Variants in RAB8B observed in about 807,000 individuals in gnomAD.
RAB8B encodes ras-related protein Rab-8B.
A neutral mutation model predicts 32.0 loss-of-function variants in RAB8B; 11 were observed. That is an observed-to-expected ratio of 0.34 (90% CI 0.22 to 0.57). RAB8B has a LOEUF of 0.57. RAB8B is among the 20% of genes least tolerant of loss of function. The pLI is 0.86. For missense variants in RAB8B, 190 were observed against 258.5 expected (o/e 0.73, Z 1.82); for synonymous variants, 103 against 89.6 (o/e 1.15, Z -0.85).
chr15:63,234,926 A>G (rs1332212584), intron 1 of RAB8B, among the ~76,000 whole-genome samples: 1 of 152,130 alleles, frequency 6.6e-6, no homozygotes, highest in African/African-American at 2.4e-5. Flanking sequence ...GTCCAAGTCA[A>G]AACTCCTTTT....
intron 7 of RAB8B, 91 bp from the exon 8 acceptor site, chr15:63,263,436 A>G (rs1194232532): frequency 7.8e-6 from 7 of 896,944 alleles, no homozygotes; most frequent in Admixed American, 2.1e-5. Flanking sequence ...CACATTTCAC[A>G]TGGTATGGTT....
At chr15:63,192,463 C>G (rs1252978905) in intron 1 of RAB8B, among the ~76,000 whole-genome samples, 1 of 152,162 alleles carries the variant, frequency 6.6e-6, no homozygotes, top group African/African-American at 2.4e-5. Context: ...TGTGTAAGTT[C>G]CTGTGCTTTT....
chr15:63,189,925 A>AGGGGC, intron 1 of RAB8B, among the ~76,000 whole-genome samples, 177 bp downstream of exon 1: 2 of 138,168 alleles, frequency 1.4e-5, no homozygotes, highest in Non-Finnish European at 3.1e-5. Context: ...CGTGAGGGAG[A>AGGGGC]GAGGCGAGCG....
At chr15:63,244,556 C>T (rs1176244582) in intron 1 of RAB8B, among the ~76,000 whole-genome samples, 200 bp from the exon 2 acceptor site, 4 of 152,180 alleles carry the variant, frequency 2.6e-5, no homozygotes, top group African/African-American at 7.2e-5. Context: ...GCATTTAACA[C>T]GTGTGGGAAT....
At position 63,266,514 on chromosome 15, in the gene RAB8B, G is replaced by A. The variant is rs2038249274; in HGVS notation, c.*2895G>A. 2 of 152,506 alleles carry A rather than the reference G, an allele frequency of 1.3e-5. No homozygotes were observed. The highest frequency in any genetic ancestry group is 1.3e-4 in the Admixed American group (2 of 15,274). 9.4% of individuals were successfully genotyped at this position (152,506 alleles called of 1,614,324 possible). On this transcript the variant is annotated 3_prime_UTR_variant, in exon 8 of 8. Transcript: ENST00000321437. ...GAAGACTATACTCTTTACTTTGAAG[G>A]TCTATTTTTTAATTATACCTCATTT... is the stretch of plus-strand genomic sequence containing the variant.
chr15:63,209,187 G>T (rs374417931), intron 1 of RAB8B, among the ~76,000 whole-genome samples: 6 of 151,938 alleles, frequency 3.9e-5, no homozygotes, highest in East Asian at 2.0e-4. Flanking sequence ...CTTTAGGACA[G>T]AAACATGTTT....
chr15:63,233,826 A>G (rs2037955647), intron 1 of RAB8B, among the ~76,000 whole-genome samples: 1 of 152,130 alleles, frequency 6.6e-6, no homozygotes, highest in African/African-American at 2.4e-5. Flanking sequence ...TTTTAACTGT[A>G]AAAGCACAGT....
At chr15:63,223,673 TA>T (rs1486363446) in intron 1 of RAB8B, among the ~76,000 whole-genome samples, 1 of 152,220 alleles carries the variant, frequency 6.6e-6, no homozygotes, top group African/African-American at 2.4e-5. Flanking sequence ...GACACATGAC[TA>T]TACTTGAAGA....
At chr15:63,228,054 A>C (rs1283466374) in intron 1 of RAB8B, among the ~76,000 whole-genome samples, 4 of 150,966 alleles carry the variant, frequency 2.6e-5, no homozygotes, top group Admixed American at 6.6e-5. Flanking sequence ...CCCACGCTGG[A>C]GCGTAGTCAC....
intron 2 of RAB8B, among the ~76,000 whole-genome samples, chr15:63,247,590 G>T (rs1447721553): frequency 6.6e-6 from 1 of 152,220 alleles, no homozygotes; most frequent in African/African-American, 2.4e-5. Flanking sequence ...TTGGAAGGTT[G>T]TTGGTGATGT....
rs1219055777 is a variant in RAB8B at position 63,256,537 on chromosome 15, G to A, written c.357G>A (p.Leu119=). 1 of 1,603,934 alleles carries A rather than the reference G, an allele frequency of 6.2e-7. No individual in the cohort carries two copies. Among genetic ancestry groups the A allele is most frequent in the Non-Finnish European group, 8.5e-7 (1 of 1,176,834 alleles). ...CTTCCGATGTCGAAAGAATGATCCT[G>A]GGTAACAAATGTGATATGAATGACA... ...HASSDVERMI[L]GNKCDMNDKR... The change falls in exon 5 of 8, where the codon CTG becomes CTA. Residue 119 remains leucine (L), a synonymous_variant. Coordinates refer to ENST00000321437, the MANE Select transcript of RAB8B (RefSeq NM_016530.3).
chr15:63,225,743 A>G (rs891204406), intron 1 of RAB8B, among the ~76,000 whole-genome samples: 3 of 152,180 alleles, frequency 2.0e-5, no homozygotes, highest in Non-Finnish European at 2.9e-5. Context: ...CTCAGTGCCT[A>G]GCGTAGTGTC....
At position 63,259,379 on chromosome 15, in the gene RAB8B, A is replaced by G. The variant is rs560883150; in HGVS notation, c.415-248A>G. On this transcript the variant is annotated intron_variant, in intron 5 of 7. Transcript: ENST00000321437. This position sits in a 1 kb window ranked among gnomAD's most constrained non-coding sequence, Gnocchi z 4.4. ...CGTGATCCGTCTGCCTCGGCCTCCC[A>G]AAGTGCGTGAGCCACCATGCCCGGC... 3.3e-5 allele frequency among the ~76,000 whole-genome samples: 5 copies of G among 152,194 alleles called. No homozygotes were observed. The highest frequency in any genetic ancestry group is 9.6e-5 in the African/African-American group (4 of 41,544).
At chr15:63,236,445 G>C (rs2037981006) in intron 1 of RAB8B, among the ~76,000 whole-genome samples, 2 of 152,182 alleles carry the variant, frequency 1.3e-5, no homozygotes, top group Non-Finnish European at 2.9e-5. Flanking sequence ...TCTAAACTCA[G>C]ATGTTGGATT....
At chr15:63,232,821 C>T (rs1015070908) in intron 1 of RAB8B, among the ~76,000 whole-genome samples, 1 of 152,100 alleles carries the variant, frequency 6.6e-6, no homozygotes, top group Non-Finnish European at 1.5e-5. Flanking sequence ...TCATTTCACA[C>T]TGTTGTTAAA....
At chr15:63,243,753 T>A (rs1207944882) in intron 1 of RAB8B, among the ~76,000 whole-genome samples, 5 of 152,094 alleles carry the variant, frequency 3.3e-5, no homozygotes, top group South Asian at 2.1e-4. Context: ...GTCATCTTAG[T>A]CCATTTTCTG....
intron 6 of RAB8B, among the ~76,000 whole-genome samples, chr15:63,261,129 C>G (rs1213043408): frequency 6.6e-6 from 1 of 152,096 alleles, no homozygotes. Context: ...ATAGACATTT[C>G]TCAAAAGAAG....
rs530937486 is a variant in RAB8B at position 63,259,748 on chromosome 15, G to C, written c.480+56G>C. 2 of 1,438,460 alleles carry C rather than the reference G, an allele frequency of 1.4e-6. No individual in the cohort carries two copies. Among genetic ancestry groups the C allele is most frequent in the South Asian group, 2.3e-5 (2 of 85,842 alleles). 89.1% of individuals were successfully genotyped at this position (1,438,460 alleles called of 1,614,324 possible). ...GAGCAGCACCAGTGCTTAGGGGCCT[G>C]TGTTCAAACAGCTCTCAGAGCTTTG... On this transcript the variant is annotated intron_variant, in intron 6 of 7. Coordinates refer to ENST00000321437, the MANE Select transcript of RAB8B (RefSeq NM_016530.3). The surrounding 1 kb of genome is among the most constrained non-coding windows in gnomAD (Gnocchi z 4.4).
chr15:63,250,744 C>T (rs1307499171), intron 3 of RAB8B, among the ~76,000 whole-genome samples: 1 of 150,650 alleles, frequency 6.6e-6, no homozygotes, highest in Non-Finnish European at 1.5e-5. Flanking sequence ...CTAAGCCAAG[C>T]ACAAGTTGGA....
Sources: gnomAD v4.1 joint callset for allele counts (sites outside exome capture counted in the v4.1 genomes callset) on GRCh38, gnomAD v4.1.1 for gene constraint, Gnocchi (gnomAD v3.1) non-coding constraint, MANE v1.5 for transcripts, NCBI Gene and HGNC (gene_info 2026-07-23, HGNC 2026-07-21) for gene names.